Variants in MYO7B observed in about 807,000 individuals in gnomAD.
The protein encoded by MYO7B is myosin VIIB.
Under a neutral mutation model 259.7 loss-of-function variants are expected in MYO7B, and 212 were observed. The observed-to-expected ratio is 0.82, with a 90% CI of 0.73 to 0.91. The LOEUF is 0.91. Ranked by LOEUF, MYO7B falls within the 40% of genes least tolerant of loss-of-function variation. The pLI is 0.00. For synonymous variants in MYO7B, 1,197 were observed against 1,166.4 expected, an observed-to-expected ratio of 1.03 and a Z score of -0.54; for missense variants, 2,732 against 2,813.5, an observed-to-expected ratio of 0.97 and a Z score of 0.66.
rs564008786 is a variant in MYO7B, at chr2:127,551,401, G to A, written c.-23-8299G>A. ...GGGGCCCTCAGTTCTCACAACACGG[G>A]CCTCTCCTTAGGGCTGTTTGAGCAT... On this transcript the variant is annotated intron_variant, in intron 1 of 47. Coordinates refer to ENST00000409816, the MANE Select transcript of MYO7B (RefSeq NM_001393586.1). Among the ~76,000 whole-genome samples, 12 of 152,268 alleles carry A rather than the reference G, an allele frequency of 7.9e-5. 1 individual carries two copies. In the South Asian group the frequency reaches 2.5e-3, roughly 32 times the overall value.
chr2:127,631,180 C>A, intron 36 of MYO7B, 26 bp from the exon 37 acceptor site: 2 of 1,571,838 alleles, frequency 1.3e-6, no homozygotes, highest in Non-Finnish European at 1.7e-6. Flanking sequence ...ACAGGGCAGG[C>A]CTCACACCAG....
chr2:127,574,944 C>CTG (rs146596804), intron 7 of MYO7B, among the ~76,000 whole-genome samples: 7 of 151,754 alleles, frequency 4.6e-5, no homozygotes, highest in East Asian at 1.9e-4. Context: ...ATTAATGCAC[C>CTG]TGTGTGTGTG....
At chr2:127,578,489 G>T (rs556364437) in intron 9 of MYO7B, among the ~76,000 whole-genome samples, 51 of 152,290 alleles carry the variant, frequency 3.3e-4, no homozygotes, top group African/African-American at 1.2e-3. Flanking sequence ...CTCTCCACAG[G>T]TGGAGACCGG....
chr2:127,637,545 C>CCACT lies in MYO7B; in HGVS notation c.*131_*134dup. ...TTCCATGCTGCCCCCCATACAAAGC[C>CCACT]CACTCAGCCCCGCAGGCGGCCCCCT... On this transcript the variant is annotated 3_prime_UTR_variant, in exon 48 of 48. Coordinates refer to ENST00000409816, the MANE Select transcript of MYO7B (RefSeq NM_001393586.1). The CCACT allele has an allele frequency of 5.8e-6, 4 of 691,998 alleles. No individual in the cohort carries two copies. In the South Asian group the frequency reaches 9.2e-5, roughly 16 times the overall value. The allele number at this position is 691,998 out of a possible 1,614,324, so 42.9% of individuals were successfully genotyped here.
rs1449233064 is a variant in MYO7B at position 127,615,114 on chromosome 2, G to C, written c.3398+2511G>C. The stretch of plus-strand genomic sequence containing the variant: ...GGACCAGGAAATTCACAATGCCAGT[G>C]AATTTCCTGGTCCTAAGATGGACCA... On this transcript the variant is annotated intron_variant, in intron 26 of 47. Coordinates refer to ENST00000409816, the MANE Select transcript of MYO7B (RefSeq NM_001393586.1). The surrounding 1 kb of genome is among the most constrained non-coding windows in gnomAD (Gnocchi z 4.4). 6.6e-6 allele frequency among the ~76,000 whole-genome samples: 1 copy of C among 151,954 alleles called. No homozygotes were observed. Among genetic ancestry groups the C allele is most frequent in the Admixed American group, 6.5e-5 (1 of 15,270 alleles).
intron 1 of MYO7B, among the ~76,000 whole-genome samples, chr2:127,550,207 A>G (rs896069229): frequency 1.3e-5 from 2 of 152,146 alleles, no homozygotes; most frequent in Non-Finnish European, 2.9e-5. Context: ...CCATAAGGAT[A>G]TAGGAGGAAG....
Position 127,637,430 on chromosome 2 carries a change from G to T in MYO7B, c.*13G>T, listed in dbSNP as rs1426707129. 4.7e-6 allele frequency: 7 copies of T among 1,497,186 alleles called. No individual in the cohort carries two copies. The highest frequency in any genetic ancestry group is 5.4e-6 in the Non-Finnish European group (6 of 1,120,502). The allele number at this position is 1,497,186 out of a possible 1,614,324, so 92.7% of individuals were successfully genotyped here. ...GGCCAGCACCTAGCAGCGGATGCTG[G>T]CGTGTCTGCTCAGGCGCCCTTCCCG... is the stretch of plus-strand genomic sequence containing the variant. On this transcript the variant is annotated 3_prime_UTR_variant, in exon 48 of 48. Transcript: ENST00000409816.
chr2:127,547,482 A>C (rs1460294146), intron 1 of MYO7B, among the ~76,000 whole-genome samples: 1 of 152,214 alleles, frequency 6.6e-6, no homozygotes, highest in Non-Finnish European at 1.5e-5. Context: ...TGTTTCAGGA[A>C]CTGCATGATA....
Position 127,633,351 on chromosome 2 carries a change from T to C in MYO7B, c.5499T>C (p.Asn1833=), listed in dbSNP as rs1461966593. 1 of 1,612,760 alleles carries C rather than the reference T, an allele frequency of 6.2e-7. No homozygotes were observed. The highest frequency in any genetic ancestry group is 8.5e-7 in the Non-Finnish European group (1 of 1,179,704). The change falls in exon 40 of 48, where the codon AAT becomes AAC. Residue 1833 remains asparagine (N), a synonymous_variant. Transcript: ENST00000409816. The part of the protein sequence containing the change: ...SRICHKIYFP[N]DTSEMLEVVA... ...TCTGCCACAAGATCTACTTCCCCAATGACACCAGTGAGGTGAGGCCCTGCT... is the reference window on the plus strand; with the variant it reads ...TCTGCCACAAGATCTACTTCCCCAACGACACCAGTGAGGTGAGGCCCTGCT...
intron 36 of MYO7B, 68 bp from the exon 37 acceptor site, chr2:127,631,138 A>G: frequency 1.3e-5 from 19 of 1,489,354 alleles, no homozygotes; most frequent in Non-Finnish European, 1.5e-5. Flanking sequence ...CAGGGGTGTC[A>G]GAGGACAGAG....
chr2:127,635,267 C>T, intron 43 of MYO7B, 41 bp downstream of exon 43: 1 of 1,533,600 alleles, frequency 6.5e-7, no homozygotes, highest in Middle Eastern at 1.7e-4. Flanking sequence ...GGGCCACCCC[C>T]ATCTTCCCAC....
rs1295554069 is a variant in MYO7B at position 127,617,571 on chromosome 2, C to T, written c.3399-2769C>T. On this transcript the variant is annotated intron_variant, in intron 26 of 47. Coordinates refer to ENST00000409816, the MANE Select transcript of MYO7B (RefSeq NM_001393586.1). ...ACTGCGGACTGCAGTGGCGCCATCT[C>T]GGCTCACTGCAAGCTCCGCTTCCCA... 8.1e-4 allele frequency among the ~76,000 whole-genome samples: 110 copies of T among 135,754 alleles called. 2 individuals are homozygous for T. The highest frequency in any genetic ancestry group is 2.3e-3 in the African/African-American group (81 of 35,228). The allele number at this position is 135,754 out of a possible 152,430, so 89.1% of individuals were successfully genotyped here.
rs1460740490 is a variant in MYO7B, at chr2:127,637,485, CCT to C, written c.*72_*73del. ...CTAGCCTGGCGGCACCTTCCCAGGC[CCT>C]CTCAACCCAGGGCCTGTCCTTGGCG... On this transcript the variant is annotated 3_prime_UTR_variant, in exon 48 of 48. Coordinates refer to ENST00000409816, the MANE Select transcript of MYO7B (RefSeq NM_001393586.1). 10 of 1,203,462 alleles carry C rather than the reference CCT, an allele frequency of 8.3e-6. No individual in the cohort carries two copies. The highest frequency in any genetic ancestry group is 1.5e-5 in the African/African-American group (1 of 64,856). The allele number at this position is 1,203,462 out of a possible 1,614,324, so 74.5% of individuals were successfully genotyped here.
intron 2 of MYO7B, among the ~76,000 whole-genome samples, chr2:127,562,879 G>A (rs1678166137): frequency 1.3e-5 from 2 of 152,206 alleles, no homozygotes; most frequent in South Asian, 4.1e-4. Flanking sequence ...AAAGTGCTGG[G>A]ATTACAGGTG....
rs1343202513 is a variant in MYO7B, at chr2:127,566,777, C to T, written c.420C>T (p.Asn140=). The change falls in exon 5 of 48, where the codon AAC becomes AAT. Residue 140 remains asparagine, a synonymous_variant. Transcript: ENST00000409816. ...LPPHVFAIAN[N]CYFSMKRNKR... ...CGCATGTCTTTGCCATCGCCAACAACTGCTACTTCAGCATGAAGAGGAACA... is the reference window on the plus strand; with the variant it reads ...CGCATGTCTTTGCCATCGCCAACAATTGCTACTTCAGCATGAAGAGGAACA... The T allele has an allele frequency of 1.2e-6, 2 of 1,612,608 alleles. No individual in the cohort carries two copies. The highest frequency in any genetic ancestry group is 1.7e-5 in the Admixed American group (1 of 60,028).
At position 127,607,250 on chromosome 2, in the gene MYO7B, G is replaced by C. The variant is rs1453497571; in HGVS notation, c.2469G>C (p.Gln823His). Residue 823 changes from glutamine to histidine, a missense_variant, in exon 21 of 48, where the codon CAG (glutamine) becomes CAC (histidine). Physicochemically the swap from Gln to His is conservative, Grantham distance 24 (BLOSUM62 0). Coordinates refer to ENST00000409816, the MANE Select transcript of MYO7B (RefSeq NM_001393586.1). This position sits in a 1 kb window ranked among gnomAD's most constrained non-coding sequence, Gnocchi z 4.4. ...FERLQAIARS[Q>H]PLARQYQAMR... ...GCCTGCAGGCTATTGCCCGGAGCCAGCCGCTGGCGAGGCAGTACCAGGCCA... is the reference window on the plus strand; with the variant it reads ...GCCTGCAGGCTATTGCCCGGAGCCACCCGCTGGCGAGGCAGTACCAGGCCA... The C allele has an allele frequency of 6.4e-7, 1 of 1,550,716 alleles. No homozygotes were observed. Among genetic ancestry groups the C allele is most frequent in the African/African-American group, 1.4e-5 (1 of 73,198 alleles).
rs189951124 is a variant in MYO7B, at chr2:127,579,700, C to G, written c.1004-1046C>G. 3.5e-4 allele frequency among the ~76,000 whole-genome samples: 53 copies of G among 152,304 alleles called. No homozygotes were observed. In the East Asian group the frequency reaches 9.2e-3, roughly 27 times the overall value. On this transcript the variant is annotated intron_variant, in intron 9 of 47. Coordinates refer to ENST00000409816, the MANE Select transcript of MYO7B (RefSeq NM_001393586.1). ...TCCCAGGTTCAAGCGATTCTCCCAC[C>G]TCAGCCTCCTGAGTAGCTGGGATTA...
chr2:127,552,343 G>T (rs1693476202), intron 1 of MYO7B, among the ~76,000 whole-genome samples: 2 of 152,204 alleles, frequency 1.3e-5, no homozygotes, highest in Admixed American at 1.3e-4. Flanking sequence ...GAAGCCAGGA[G>T]GTGGGCTGGT....
At chr2:127,580,364 T>C (rs949699782) in intron 9 of MYO7B, among the ~76,000 whole-genome samples, 3 of 152,124 alleles carry the variant, frequency 2.0e-5, no homozygotes, top group Non-Finnish European at 4.4e-5. Context: ...AATAACGAAA[T>C]GTCCGGGTTT....
Sources: allele counts gnomAD v4.1 joint callset (sites outside exome capture counted in the v4.1 genomes callset), GRCh38; gene constraint gnomAD v4.1.1; non-coding constraint Gnocchi (gnomAD v3.1); transcripts MANE v1.5; gene names NCBI Gene and HGNC (gene_info 2026-07-23, HGNC 2026-07-21).